The following ERVFRD-1 variants were observed in gnomAD, a reference collection of about 807,000 sequenced individuals.
The protein encoded by ERVFRD-1 is syncytin-2.
Under a neutral mutation model 43.8 loss-of-function variants are expected in ERVFRD-1, and 33 were observed. The observed-to-expected ratio is 0.75, with a 90% CI of 0.57 to 1.01. ERVFRD-1 has a LOEUF of 1.01. Among genes scored for constraint, ERVFRD-1 ranks in the 50% least tolerant of loss-of-function variants. The pLI, the probability that ERVFRD-1 is intolerant of heterozygous loss-of-function variation, is 0.00. For synonymous variants in ERVFRD-1, 239 were observed against 244.4 expected, an observed-to-expected ratio of 0.98 and a Z score of 0.21; for missense variants, 568 against 658.4, an observed-to-expected ratio of 0.86 and a Z score of 1.50.
At chr6:11,109,746 C>T (rs757419724) in intron 1 of ERVFRD-1, among the ~76,000 whole-genome samples, 3 of 152,112 alleles carry the variant, frequency 2.0e-5, no homozygotes, top group Non-Finnish European at 2.9e-5. Flanking sequence ...AAATATTAGC[C>T]TTTTCCTTTT....
rs1178812158 is a variant in ERVFRD-1, at chr6:11,108,584, A to T, written c.-320-2954T>A. On this transcript the variant is annotated intron_variant, in intron 1 of 1. Coordinates refer to ENST00000472091, the MANE Select transcript of ERVFRD-1 (RefSeq NM_207582.3). ...ACAGAAGTAGCATTTGGGCAAAGGG[A>T]TCTCCCTGGGGCCTGCCAGAGGTGG... Among the ~76,000 whole-genome samples, 3 of 152,094 alleles carry T rather than the reference A, an allele frequency of 2.0e-5. No individual in the cohort carries two copies. The East Asian group carries it at 5.8e-4, about 29-fold the overall frequency.
Position 11,104,415 on chromosome 6 carries a change from T to C in ERVFRD-1, c.896A>G (p.Tyr299Cys). The change falls in exon 2 of 2, where the codon TAT (tyrosine) becomes TGT (cysteine). Residue 299 changes from tyrosine (Y) to cysteine (C), a missense_variant. Transcript: ENST00000472091. Reference protein sequence around the residue: ...STCLKTQGAFYICGQSIHQCL... With the variant: ...STCLKTQGAFCICGQSIHQCL... Reference sequence around the variant, plus strand: ...TTGGTGAATCGACTGGCCACAAATATAAAAGGCTCCTTGAGTTTTAAGGCA... The same window carrying C: ...TTGGTGAATCGACTGGCCACAAATACAAAAGGCTCCTTGAGTTTTAAGGCA... 3 of 1,551,666 alleles carry C rather than the reference T, an allele frequency of 1.9e-6. No homozygotes were observed. The highest frequency in any genetic ancestry group is 1.7e-6 in the Non-Finnish European group (2 of 1,146,980).
chr6:11,108,847 G>C (rs1356452599), intron 1 of ERVFRD-1, among the ~76,000 whole-genome samples: 1 of 152,168 alleles, frequency 6.6e-6, no homozygotes, highest in Non-Finnish European at 1.5e-5. Context: ...CCTTCTAGTG[G>C]GTCTGGGTCT....
intron 1 of ERVFRD-1, 104 bp downstream of exon 1, chr6:11,111,573 T>G (rs1758167425): frequency 6.6e-6 from 1 of 152,376 alleles, no homozygotes; most frequent in African/African-American, 2.4e-5. Context: ...GAGGAATCGT[T>G]CCAGGGGTAG....
rs1176103462 is a variant in ERVFRD-1, at chr6:11,105,335, A to G, written c.-25T>C. Reference sequence around the variant, plus strand: ...TGGTGACCTAAGAGAAACTGGTCACAAAACGAGCTGCCAATGGAACTCCTG... The same window carrying G: ...TGGTGACCTAAGAGAAACTGGTCACGAAACGAGCTGCCAATGGAACTCCTG... On this transcript the variant is annotated 5_prime_UTR_variant, in exon 2 of 2. Coordinates refer to ENST00000472091, the MANE Select transcript of ERVFRD-1 (RefSeq NM_207582.3). 1.9e-6 allele frequency: 3 copies of G among 1,564,550 alleles called. No individual in the cohort carries two copies. The highest frequency in any genetic ancestry group is 2.6e-6 in the Non-Finnish European group (3 of 1,145,298).
At chr6:11,107,503 C>G (rs536043096) in intron 1 of ERVFRD-1, among the ~76,000 whole-genome samples, 1 of 152,308 alleles carries the variant, frequency 6.6e-6, no homozygotes, top group East Asian at 1.9e-4. Flanking sequence ...CCAATGGGGA[C>G]TGTCTCTGAA....
At position 11,103,704 on chromosome 6, in the gene ERVFRD-1, G is replaced by A. The variant is rs147333339; in HGVS notation, c.1607C>T (p.Ser536Leu). 4,338 of 1,550,438 alleles carry A rather than the reference G, an allele frequency of 2.8e-3. 72 individuals carry two copies. Among genetic ancestry groups the A allele is most frequent in the Non-Finnish European group, 1.2e-3 (1,394 of 1,146,304 alleles). ...GTCTAGGGGTCCTCCTTAGAAGGGT[G>A]ACTCTTGAATATTGCGAGGATGGCG... ...AGRHPRNIQE[S>L]PF The change falls in exon 2 of 2, where the codon TCA becomes TTA. Residue 536 changes from serine to leucine, a missense_variant. Transcript: ENST00000472091.
In ERVFRD-1 at chr6:11,105,389, G is replaced by T; in HGVS notation, c.-79C>A. 9.2e-7 allele frequency: 1 copy of T among 1,089,466 alleles called. No homozygotes were observed. Among genetic ancestry groups the T allele is most frequent in the Non-Finnish European group, 1.3e-6 (1 of 755,896 alleles). The allele number at this position is 1,089,466 out of a possible 1,614,324, so 67.5% of individuals were successfully genotyped here. On this transcript the variant is annotated 5_prime_UTR_variant, in exon 2 of 2. Transcript: ENST00000472091. The stretch of plus-strand genomic sequence containing the variant: ...GTGTACAAGTTAGGGTTAAAATAGT[G>T]ATAACAATCAGAGCAATTGCCAGTA...
Position 11,103,832 on chromosome 6 carries a change from GA to G in ERVFRD-1, c.1478del (p.Leu493ProfsTer12). On this transcript the variant is annotated frameshift_variant, in exon 2 of 2. Coordinates refer to ENST00000472091, the MANE Select transcript of ERVFRD-1 (RefSeq NM_207582.3). LOFTEE classifies it high-confidence loss of function. The part of the protein sequence containing the change: ...VLPLTGPLVS[L>X]LLLLLFGPCL... ...ATGGACCAAAAAGGAGCAAAAGTAG[GA>G]GACTAACAAGTGGGCCTGTAAGGGG... 1 of 1,551,646 alleles carries G rather than the reference GA, an allele frequency of 6.4e-7. No homozygotes were observed. Among genetic ancestry groups the G allele is most frequent in the Non-Finnish European group, 8.7e-7 (1 of 1,146,984 alleles).
intron 1 of ERVFRD-1, among the ~76,000 whole-genome samples, chr6:11,108,424 T>C (rs1366228593): frequency 1.1e-4 from 16 of 152,184 alleles, no homozygotes; most frequent in Admixed American, 9.2e-4. Flanking sequence ...CCAGTTGGGA[T>C]GTCCTGAGGG....
In ERVFRD-1 at chr6:11,108,125, G is replaced by C. The variant is rs146903678; in HGVS notation, c.-320-2495C>G. On this transcript the variant is annotated intron_variant, in intron 1 of 1. Transcript: ENST00000472091. Reference sequence around the variant, plus strand: ...ATATCTCTACCCAAAAGGTATGTAGGGTATTCTGGCATCACTAAAAATGAA... The same window carrying C: ...ATATCTCTACCCAAAAGGTATGTAGCGTATTCTGGCATCACTAAAAATGAA... 1.1e-4 allele frequency among the ~76,000 whole-genome samples: 16 copies of C among 152,258 alleles called. No homozygotes were observed. The East Asian group carries it at 3.1e-3, about 29-fold the overall frequency.
chr6:11,106,120 A>G (rs1758079419), intron 1 of ERVFRD-1, among the ~76,000 whole-genome samples: 1 of 152,212 alleles, frequency 6.6e-6, no homozygotes, highest in Non-Finnish European at 1.5e-5. Context: ...TAATTGGGAA[A>G]TGAAGGATGG....
intron 1 of ERVFRD-1, among the ~76,000 whole-genome samples, chr6:11,106,740 C>T (rs927656585): frequency 1.3e-5 from 2 of 152,182 alleles, no homozygotes; most frequent in African/African-American, 4.8e-5. Context: ...AGTTAGCTAA[C>T]CTATTTCCCT....
intron 1 of ERVFRD-1, among the ~76,000 whole-genome samples, chr6:11,108,583 G>T (rs1378018033): frequency 6.6e-6 from 1 of 152,168 alleles, no homozygotes; most frequent in East Asian, 1.9e-4. Flanking sequence ...TGGGCAAAGG[G>T]ATCTCCCTGG....
At chr6:11,107,003 T>G (rs1260369844) in intron 1 of ERVFRD-1, among the ~76,000 whole-genome samples, 1 of 152,210 alleles carries the variant, frequency 6.6e-6, no homozygotes, top group Admixed American at 6.5e-5. Context: ...TGAGTTTGGC[T>G]AATTGCACAG....
chr6:11,103,924 G>A lies in ERVFRD-1; in HGVS notation c.1387C>T (p.Arg463Trp), dbSNP rs776740901. 12 of 1,551,602 alleles carry A rather than the reference G, an allele frequency of 7.7e-6. No homozygotes were observed. The highest frequency in any genetic ancestry group is 3.3e-4 in the Middle Eastern group (2 of 5,992). The change falls in exon 2 of 2, where the codon CGG becomes TGG. Residue 463 changes from arginine (R) to tryptophan (W), a missense_variant. Coordinates refer to ENST00000472091, the MANE Select transcript of ERVFRD-1 (RefSeq NM_207582.3). ...RQLLNQASSL[R>W]ERATQGWLNW... The stretch of plus-strand genomic sequence containing the variant: ...AACCAACCCTGAGTGGCTCGTTCCC[G>A]TAAACTGGAGGCTTGATTTAGGAGT...
chr6:11,109,554 C>T (rs1758139059), intron 1 of ERVFRD-1, among the ~76,000 whole-genome samples: 1 of 152,106 alleles, frequency 6.6e-6, no homozygotes, highest in South Asian at 2.1e-4. Flanking sequence ...TTTACAAGCC[C>T]AACAAAGGTC....
At position 11,106,996 on chromosome 6, in the gene ERVFRD-1, G is replaced by A. The variant is rs530972650; in HGVS notation, c.-320-1366C>T. 9.2e-5 allele frequency among the ~76,000 whole-genome samples: 14 copies of A among 152,308 alleles called. 1 individual carries two copies. In the South Asian group the frequency reaches 1.4e-3, roughly 16 times the overall value. Reference sequence around the variant, plus strand: ...TTTAGGGCTTTCGTCAGCACAGTGAGTTTGGCTAATTGCACAGAGGTCCCC... The same window carrying A: ...TTTAGGGCTTTCGTCAGCACAGTGAATTTGGCTAATTGCACAGAGGTCCCC... On this transcript the variant is annotated intron_variant, in intron 1 of 1. Transcript: ENST00000472091.
In ERVFRD-1 at chr6:11,104,354, T is replaced by C; in HGVS notation, c.957A>G (p.Ile319Met). 1.3e-6 allele frequency: 2 copies of C among 1,551,728 alleles called. No homozygotes were observed. Among genetic ancestry groups the C allele is most frequent in the Non-Finnish European group, 1.7e-6 (2 of 1,146,998 alleles). The change falls in exon 2 of 2, where the codon ATA becomes ATG. Residue 319 changes from isoleucine (I) to methionine (M), a missense_variant. Coordinates refer to ENST00000472091, the MANE Select transcript of ERVFRD-1 (RefSeq NM_207582.3). ...LPSNWTGTCT[I>M]GYVTPDIFIA... ...TGAAGATGTCTGGGGTTACATAGCC[T>C]ATGGTACAAGTTCCAGTCCAGTTAC...
Sources: gnomAD v4.1 joint callset for allele counts (sites outside exome capture counted in the v4.1 genomes callset) on GRCh38, gnomAD v4.1.1 for gene constraint, MANE v1.5 for transcripts, NCBI Gene and HGNC (gene_info 2026-07-23, HGNC 2026-07-21) for gene names.